The following FRMD4A variants were observed in gnomAD, a reference collection of about 807,000 sequenced individuals.
FRMD4A encodes the protein FERM domain-containing protein 4A.
In FRMD4A, 29 loss-of-function variants were observed where a neutral mutation model predicts 129.1. The observed-to-expected ratio is 0.22, with a 90% CI of 0.17 to 0.31. The LOEUF (loss-of-function observed/expected upper bound fraction) is 0.31, where lower values mean the gene tolerates loss of function less well. FRMD4A is among the 10% of genes least tolerant of loss of function. FRMD4A has a pLI of 1.00. For synonymous variants in FRMD4A, 634 were observed against 571.6 expected (o/e 1.11, Z -1.56); for missense variants, 1,272 against 1,375.8 (o/e 0.92, Z 1.19).
At chr10:13,663,647 T>A (rs2082801813) in intron 18 of FRMD4A, 138 bp from the exon 19 acceptor site, 1 of 630,948 alleles carries the variant, frequency 1.6e-6, no homozygotes, top group Non-Finnish European at 2.9e-6. Flanking sequence ...ACAATAAAAA[T>A]GCTGTTGGGT....
At chr10:14,092,676 A>C (rs2131755045) in intron 2 of FRMD4A, among the ~76,000 whole-genome samples, 1 of 152,336 alleles carries the variant, frequency 6.6e-6, no homozygotes, top group Admixed American at 6.5e-5. Flanking sequence ...TGACCCACTT[A>C]GTGGAGGACA....
Position 13,810,834 on chromosome 10 carries a change from T to C in FRMD4A, c.186A>G (p.Gly62=). 1 of 1,586,474 alleles carries C rather than the reference T, an allele frequency of 6.3e-7. No individual in the cohort carries two copies. Among genetic ancestry groups the C allele is most frequent in the Non-Finnish European group, 8.7e-7 (1 of 1,155,506 alleles). ...CTTACGTTTCATCTGTGAATGCTAT[T>C]CCAAAGTACTCCTTTTCCTTCAGAT... ...HFNLKEKEYF[G]IAFTDETGHL... The change falls in exon 4 of 25, where the codon GGA becomes GGG. Residue 62 remains glycine, a synonymous_variant. Transcript: ENST00000357447.
intron 2 of FRMD4A, among the ~76,000 whole-genome samples, chr10:13,883,228 G>A (rs1030799038): frequency 2.6e-5 from 4 of 152,052 alleles, no homozygotes; most frequent in South Asian, 2.1e-4. Flanking sequence ...GTTGGCTCAC[G>A]GCTGTAATCC....
chr10:14,002,074 A>T (rs921344327), intron 2 of FRMD4A, among the ~76,000 whole-genome samples: 3 of 152,222 alleles, frequency 2.0e-5, no homozygotes, highest in Non-Finnish European at 2.9e-5. Context: ...GGAATAACAC[A>T]TCATATAATG....
At chr10:14,110,113 A>G (rs1165172694) in intron 2 of FRMD4A, among the ~76,000 whole-genome samples, 1 of 88,594 alleles carries the variant, frequency 1.1e-5, no homozygotes. Flanking sequence ...TGGGCAACAA[A>G]GCGAGATGCT....
At chr10:13,753,565 G>C (rs992764079) in intron 8 of FRMD4A, among the ~76,000 whole-genome samples, 4 of 81,458 alleles carry the variant, frequency 4.9e-5, no homozygotes, top group Non-Finnish European at 1.1e-4. Flanking sequence ...TTTTTTTTGA[G>C]ACAGGGTCTC....
intron 13 of FRMD4A, among the ~76,000 whole-genome samples, chr10:13,705,490 C>T (rs564929720): frequency 1.6e-4 from 25 of 152,324 alleles, no homozygotes; most frequent in African/African-American, 6.0e-4. Context: ...CCCAGCCCCT[C>T]ATTTTTATCC....
At chr10:13,835,887 C>CTT (rs2130955642) in intron 3 of FRMD4A, among the ~76,000 whole-genome samples, 1 of 152,292 alleles carries the variant, frequency 6.6e-6, no homozygotes, top group Admixed American at 6.5e-5. Flanking sequence ...TCAAACAGGT[C>CTT]CCTGGTGCCA....
intron 2 of FRMD4A, among the ~76,000 whole-genome samples, chr10:13,940,856 C>T (rs1470741902): frequency 6.6e-6 from 1 of 152,152 alleles, no homozygotes; most frequent in Admixed American, 6.5e-5. Context: ...TAGTCCAACC[C>T]TCCGGTAAAC....
At chr10:13,840,270 A>G (rs2130971168) in intron 3 of FRMD4A, among the ~76,000 whole-genome samples, 1 of 152,236 alleles carries the variant, frequency 6.6e-6, no homozygotes, top group Admixed American at 6.5e-5. Context: ...GGGGAAGAGA[A>G]CCAGGGATAC....
intron 2 of FRMD4A, among the ~76,000 whole-genome samples, chr10:13,936,872 C>T (rs2095253229): frequency 6.6e-6 from 1 of 152,204 alleles, no homozygotes; most frequent in African/African-American, 2.4e-5. Context: ...TTTTGTTACA[C>T]TTTCATCACT....
At chr10:13,953,538 C>G (rs1015263499) in intron 2 of FRMD4A, among the ~76,000 whole-genome samples, 1 of 152,178 alleles carries the variant, frequency 6.6e-6, no homozygotes, top group Non-Finnish European at 1.5e-5. Flanking sequence ...GGGACATGGA[C>G]CCTCCCTTTG....
chr10:14,002,105 G>T (rs912141636), intron 2 of FRMD4A, among the ~76,000 whole-genome samples: 1 of 152,170 alleles, frequency 6.6e-6, no homozygotes, highest in South Asian at 2.1e-4. Flanking sequence ...GTACAAAAAC[G>T]TTTAATTTAT....
At chr10:14,124,106 G>A (rs576653834) in intron 2 of FRMD4A, among the ~76,000 whole-genome samples, 1 of 152,268 alleles carries the variant, frequency 6.6e-6, no homozygotes, top group East Asian at 1.9e-4. Flanking sequence ...AAACTGTCCT[G>A]AGCAGGTGTT....
At chr10:13,802,053 T>C (rs1385193999) in intron 4 of FRMD4A, among the ~76,000 whole-genome samples, 1 of 151,410 alleles carries the variant, frequency 6.6e-6, no homozygotes, top group East Asian at 1.9e-4. Context: ...AGTATTTTTG[T>C]TATTATGTGA....
chr10:14,183,251 GCAGA>G (rs928041175), intron 2 of FRMD4A, among the ~76,000 whole-genome samples: 4 of 152,210 alleles, frequency 2.6e-5, no homozygotes, highest in South Asian at 2.1e-4. Flanking sequence ...GAAATAATGT[GCAGA>G]CAGAGTTCAC....
Position 13,758,717 on chromosome 10 carries a change from A to G in FRMD4A, c.464+2930T>C, listed in dbSNP as rs532601407. On this transcript the variant is annotated intron_variant, in intron 8 of 24. Coordinates refer to ENST00000357447, the MANE Select transcript of FRMD4A (RefSeq NM_018027.5). ...GAGCCTTCTTTTCGCTTAATAATCC[A>G]CTCTCCTCTCCCTTCAGTGTGTCCA... Among the ~76,000 whole-genome samples the G allele has an allele frequency of 4.7e-5, 7 of 150,282 alleles. No homozygotes were observed. The East Asian group carries it at 1.4e-3, about 29-fold the overall frequency.
chr10:13,970,449 C>T (rs2095510898), intron 2 of FRMD4A, among the ~76,000 whole-genome samples: 1 of 152,032 alleles, frequency 6.6e-6, no homozygotes, highest in South Asian at 2.1e-4. Context: ...AGCGAGGGGA[C>T]GGGTGGTTTA....
At chr10:14,266,143 T>A (rs538384721) in intron 2 of FRMD4A, among the ~76,000 whole-genome samples, 1 of 138,128 alleles carries the variant, frequency 7.2e-6, no homozygotes, top group South Asian at 2.2e-4. Flanking sequence ...TCTGGACTGG[T>A]GAATTCTTTG....
Sources: gnomAD v4.1 joint callset for allele counts (sites outside exome capture counted in the v4.1 genomes callset) on GRCh38, gnomAD v4.1.1 for gene constraint, MANE v1.5 for transcripts, NCBI Gene and HGNC (gene_info 2026-07-23, HGNC 2026-07-21) for gene names.